Variants in TCERG1L observed in about 807,000 individuals in gnomAD.
TCERG1L encodes transcription elongation regulator 1 like, also known as transcription elongation regulator 1-like protein.
In TCERG1L, 37 loss-of-function variants were observed where a neutral mutation model predicts 56.3. That is an observed-to-expected ratio of 0.66 (90% CI 0.51 to 0.87). TCERG1L has a LOEUF of 0.87. TCERG1L is among the 40% of genes least tolerant of loss of function. TCERG1L has a pLI of 0.00. For synonymous variants in TCERG1L, 324 were observed against 326.3 expected (o/e 0.99, Z 0.08); for missense variants, 799 against 774.2 (o/e 1.03, Z -0.38).
intron 4 of TCERG1L, among the ~76,000 whole-genome samples, chr10:131,207,464 G>C (rs1198535165): frequency 6.6e-6 from 1 of 152,214 alleles, no homozygotes; most frequent in Non-Finnish European, 1.5e-5. Flanking sequence ...CCAACATGAA[G>C]ACAGATGTTC....
chr10:131,281,503 T>C (rs1327874693), intron 3 of TCERG1L, among the ~76,000 whole-genome samples: 2 of 152,166 alleles, frequency 1.3e-5, no homozygotes, highest in Non-Finnish European at 2.9e-5. Context: ...TGAAAGGCAT[T>C]TGTGCTGATG....
chr10:131,119,401 T>C (rs1845491383), intron 8 of TCERG1L, among the ~76,000 whole-genome samples: 1 of 152,258 alleles, frequency 6.6e-6, no homozygotes, highest in Admixed American at 6.5e-5. Context: ...TGTGATTACA[T>C]GGAATTTTGA....
At chr10:131,132,501 C>T (rs530287817) in intron 8 of TCERG1L, among the ~76,000 whole-genome samples, 13 of 152,344 alleles carry the variant, frequency 8.5e-5, no homozygotes, top group Admixed American at 5.9e-4. Flanking sequence ...GGTGATGAGG[C>T]GGACAGCCCA....
intron 11 of TCERG1L, among the ~76,000 whole-genome samples, chr10:131,097,863 C>T (rs1845265928): frequency 6.6e-6 from 1 of 152,188 alleles, no homozygotes; most frequent in African/African-American, 2.4e-5. Context: ...CTGGGACCAA[C>T]TGTTAAGACA....
chr10:131,293,266 C>T (rs191286638), intron 3 of TCERG1L, among the ~76,000 whole-genome samples: 34 of 152,312 alleles, frequency 2.2e-4, no homozygotes, highest in Admixed American at 4.6e-4. Context: ...CTAACTTCTG[C>T]ATTGCTGATG....
chr10:131,253,945 C>T (rs923628213), intron 4 of TCERG1L, among the ~76,000 whole-genome samples: 1 of 151,762 alleles, frequency 6.6e-6, no homozygotes, highest in Non-Finnish European at 1.5e-5. Flanking sequence ...GAATTGCCGG[C>T]GATGATAAAT....
At chr10:131,277,433 C>T (rs570668956) in intron 3 of TCERG1L, among the ~76,000 whole-genome samples, 15 of 152,286 alleles carry the variant, frequency 9.8e-5, no homozygotes, top group South Asian at 2.1e-4. Flanking sequence ...AGGCCTGCGC[C>T]GGGGAGATAG....
At chr10:131,291,693 T>C (rs1201623449) in intron 3 of TCERG1L, among the ~76,000 whole-genome samples, 1 of 151,934 alleles carries the variant, frequency 6.6e-6, no homozygotes, top group Non-Finnish European at 1.5e-5. Flanking sequence ...CCCAAAGTGC[T>C]AGGATTACAG....
rs750654410 is a variant in TCERG1L at position 131,308,213 on chromosome 10, G to A, written c.668C>T (p.Pro223Leu). Residue 223 changes from proline to leucine, a missense_variant and splice_region_variant, in exon 3 of 12, where the codon CCA (proline) becomes CTA (leucine). By Grantham distance (98) the Pro-to-Leu change is moderately conservative. Coordinates refer to ENST00000368642, the MANE Select transcript of TCERG1L (RefSeq NM_174937.4). ...GTCAATGTTATTTGGGCACCAACCT[G>A]GGATGGGCTGAGGTGCTAACACCAC... Reference protein sequence around the residue: ...PTVVLAPQPIPGGCHNSLKVT... With the variant: ...PTVVLAPQPILGGCHNSLKVT... 9.3e-6 allele frequency: 15 copies of A among 1,604,816 alleles called. No individual in the cohort carries two copies. Among genetic ancestry groups the A allele is most frequent in the Non-Finnish European group, 1.2e-5 (14 of 1,176,748 alleles).
Position 131,221,477 on chromosome 10 carries a change from TA to T in TCERG1L, c.856+38781del, listed in dbSNP as rs535545999. Reference sequence around the variant, plus strand: ...GGAAACACCCTCCACCTTGAGCAATTAGAAGGCAGCGAGGAAAGCGGCGGTC... The same window carrying T: ...GGAAACACCCTCCACCTTGAGCAATTGAAGGCAGCGAGGAAAGCGGCGGTC... On this transcript the variant is annotated intron_variant, in intron 4 of 11. Transcript: ENST00000368642. Among the ~76,000 whole-genome samples, 732 of 152,266 alleles carry T rather than the reference TA, an allele frequency of 4.8e-3. 6 individuals carry two copies. Among genetic ancestry groups the T allele is most frequent in the African/African-American group, 0.017 (695 of 41,538 alleles).
chr10:131,275,518 C>T (rs1846381903), intron 3 of TCERG1L, among the ~76,000 whole-genome samples: 1 of 152,118 alleles, frequency 6.6e-6, no homozygotes, highest in African/African-American at 2.4e-5. Context: ...AATGACACTA[C>T]CCAGGAGAAC....
rs1364951867 is a variant in TCERG1L at position 131,192,031 on chromosome 10, C to A, written c.857-25146G>T. On this transcript the variant is annotated intron_variant, in intron 4 of 11. Coordinates refer to ENST00000368642, the MANE Select transcript of TCERG1L (RefSeq NM_174937.4). ...CAAAACCAAAAATAAATAAATGCGACCTTATTAAACTAAAAAAGCTTCTGC... is the reference window on the plus strand; with the variant it reads ...CAAAACCAAAAATAAATAAATGCGAACTTATTAAACTAAAAAAGCTTCTGC... Among the ~76,000 whole-genome samples the A allele has an allele frequency of 2.4e-4, 34 of 142,494 alleles. 6 individuals carry two copies. Among genetic ancestry groups the A allele is most frequent in the Non-Finnish European group, 1.2e-4 (8 of 65,044 alleles). The allele number at this position is 142,494 out of a possible 152,430, so 93.5% of individuals were successfully genotyped here. A position where few individuals can be genotyped will look rare whatever the true frequency, so the allele number is the denominator to read the frequency against.
chr10:131,280,575 G>T (rs540000127), intron 3 of TCERG1L, among the ~76,000 whole-genome samples: 1 of 152,162 alleles, frequency 6.6e-6, no homozygotes, highest in East Asian at 1.9e-4. Context: ...AGAATGGGAC[G>T]CAGGTTGGCC....
At position 131,196,338 on chromosome 10, in the gene TCERG1L, C is replaced by T. The variant is rs567711021; in HGVS notation, c.857-29453G>A. Among the ~76,000 whole-genome samples the T allele has an allele frequency of 6.0e-4, 91 of 152,226 alleles. 1 individual carries two copies. The highest frequency in any genetic ancestry group is 5.8e-3 in the South Asian group (28 of 4,816). ...CCGGAGACACAGGCACATACACAGC[C>T]GCGTCGCTCAGTGACCCTGTGCATT... On this transcript the variant is annotated intron_variant, in intron 4 of 11. Transcript: ENST00000368642.
Position 131,214,585 on chromosome 10 carries a change from G to A in TCERG1L, c.856+45674C>T, listed in dbSNP as rs572399004. ...TAGCACCTTCTCCTGCGTTTCAGCT[G>A]CTCCCACAATGCCTGACACCCAGGA... On this transcript the variant is annotated intron_variant, in intron 4 of 11. Coordinates refer to ENST00000368642, the MANE Select transcript of TCERG1L (RefSeq NM_174937.4). Among the ~76,000 whole-genome samples the A allele has an allele frequency of 4.4e-3, 677 of 152,330 alleles. 4 individuals carry two copies. Among genetic ancestry groups the A allele is most frequent in the Non-Finnish European group, 7.2e-3 (488 of 68,036 alleles).
intron 3 of TCERG1L, among the ~76,000 whole-genome samples, chr10:131,264,890 C>G (rs1293498097): frequency 6.6e-6 from 1 of 152,188 alleles, no homozygotes; most frequent in Non-Finnish European, 1.5e-5. Flanking sequence ...TCCCTGACAG[C>G]GTGAGGGTCC....
intron 4 of TCERG1L, among the ~76,000 whole-genome samples, chr10:131,176,841 G>GT (rs1491224821): frequency 2.0e-4 from 3 of 15,088 alleles, no homozygotes; most frequent in African/African-American, 7.3e-4. Flanking sequence ...TGTACACACA[G>GT]GCACATAGGA....
intron 4 of TCERG1L, among the ~76,000 whole-genome samples, chr10:131,234,326 T>C (rs937948648): frequency 1.3e-5 from 2 of 152,258 alleles, no homozygotes; most frequent in Non-Finnish European, 2.9e-5. Context: ...AGGCTAATTT[T>C]ACCAATGTAA....
intron 8 of TCERG1L, among the ~76,000 whole-genome samples, chr10:131,132,267 G>T (rs894414715): frequency 6.6e-6 from 1 of 152,158 alleles, no homozygotes; most frequent in Non-Finnish European, 1.5e-5. Context: ...CAGCCTCCCC[G>T]AGAGTCTTCC....
Sources: gnomAD v4.1 joint callset for allele counts (sites outside exome capture counted in the v4.1 genomes callset) on GRCh38, gnomAD v4.1.1 for gene constraint, MANE v1.5 for transcripts, NCBI Gene and HGNC (gene_info 2026-07-23, HGNC 2026-07-21) for gene names.